Variants in GPAT4 observed in about 807,000 individuals in gnomAD.
GPAT4 encodes the protein 1-AGP acyltransferase 6.
In GPAT4, 17 loss-of-function variants were observed where a neutral mutation model predicts 58.0. The observed-to-expected ratio is 0.29, with a 90% CI of 0.20 to 0.44. The LOEUF (loss-of-function observed/expected upper bound fraction) is 0.44. Among genes scored for constraint, GPAT4 ranks in the 20% least tolerant of loss-of-function variants. The pLI is 1.00. For missense variants in GPAT4, 377 were observed against 574.5 expected (o/e 0.66, Z 3.51); for synonymous variants, 204 against 210.1 (o/e 0.97, Z 0.25).
In GPAT4 at chr8:41,598,843, AACTCCATCTGG is replaced by A; in HGVS notation, c.-292_-282del. 2.8e-6 allele frequency: 1 copy of A among 350,932 alleles called. No individual in the cohort carries two copies. The highest frequency in any genetic ancestry group is 5.1e-6 in the Non-Finnish European group (1 of 196,886). 21.7% of individuals were successfully genotyped at this position (350,932 alleles called of 1,614,324 possible). A position where few individuals can be genotyped will look rare whatever the true frequency, so the allele number is the denominator to read the frequency against. On this transcript the variant is annotated 5_prime_UTR_variant, in exon 2 of 13. Transcript: ENST00000396987. ...CGTCCTCACTGCTCACTTGCACAGA[AACTCCATCTGG>A]ACTCGGATGCTTTTACTGAAGACCC...
intron 2 of GPAT4, among the ~76,000 whole-genome samples, chr8:41,602,346 C>CTCCT (rs754284041): frequency 5.3e-5 from 8 of 152,220 alleles, no homozygotes; most frequent in Non-Finnish European, 1.0e-4. Context: ...TAGATTTGCA[C>CTCCT]TCCTTCCTTC....
intron 1 of GPAT4, among the ~76,000 whole-genome samples, chr8:41,578,738 T>C (rs183558158): frequency 6.6e-6 from 1 of 152,374 alleles, no homozygotes; most frequent in East Asian, 1.9e-4. Context: ...TCCAAATGCA[T>C]GCTCCCATTT....
At chr8:41,610,867 C>T in intron 5 of GPAT4, 57 bp downstream of exon 5, 4 of 1,514,348 alleles carry the variant, frequency 2.6e-6, no homozygotes, top group Non-Finnish European at 2.7e-6. Context: ...GAATGGTGCT[C>T]AGATATCGAA....
At chr8:41,615,451 T>TGG (rs33939804) in intron 10 of GPAT4, among the ~76,000 whole-genome samples, 1 of 71,572 alleles carries the variant, frequency 1.4e-5, no homozygotes, top group Non-Finnish European at 2.8e-5. Flanking sequence ...CCATGAGGAT[T>TGG]GGGGGGGGGG....
chr8:41,622,635 T>G lies in GPAT4; in HGVS notation c.*1634T>G, dbSNP rs1315627268. On this transcript the variant is annotated 3_prime_UTR_variant, in exon 13 of 13. Transcript: ENST00000396987. ...CAGGGAGTGGGTGGGAGTGAAGCTGTGCTCCTGGGGCTGCAGACAGATCCA... is the reference window on the plus strand; with the variant it reads ...CAGGGAGTGGGTGGGAGTGAAGCTGGGCTCCTGGGGCTGCAGACAGATCCA... The G allele has an allele frequency of 6.6e-6, 1 of 152,376 alleles. No individual in the cohort carries two copies. Among genetic ancestry groups the G allele is most frequent in the African/African-American group, 2.4e-5 (1 of 41,448 alleles). The allele number at this position is 152,376 out of a possible 1,614,324, so 9.4% of individuals were successfully genotyped here.
rs772976570 is a variant in GPAT4, at chr8:41,610,797, T to G, written c.598T>G (p.Leu200Val). The change falls in exon 5 of 13, where the codon TTG becomes GTG. Residue 200 changes from leucine (L) to valine (V), a missense_variant. Physicochemically the swap from Leu to Val is conservative, Grantham distance 32. Coordinates refer to ENST00000396987, the MANE Select transcript of GPAT4 (RefSeq NM_178819.4). ...GGTGGGCACAACTGTGGTGGGATACTTGCCAAATGGGAGGTGAGTAGAGTG... is the reference window on the plus strand; with the variant it reads ...GGTGGGCACAACTGTGGTGGGATACGTGCCAAATGGGAGGTGAGTAGAGTG... ...LVVGTTVVGYLPNGRFKEFMS... is the reference protein window; with the variant it reads ...LVVGTTVVGYVPNGRFKEFMS... The G allele has an allele frequency of 3.1e-6, 5 of 1,611,458 alleles. No individual in the cohort carries two copies. The East Asian group carries it at 1.1e-4, about 36-fold the overall frequency.
intron 12 of GPAT4, 166 bp downstream of exon 12, chr8:41,619,143 T>C: frequency 1.2e-6 from 1 of 800,466 alleles, no homozygotes. Context: ...CTGTGCTTCC[T>C]TGACCTTGGG....
At chr8:41,587,753 T>G (rs1802693996) in intron 1 of GPAT4, among the ~76,000 whole-genome samples, 1 of 152,250 alleles carries the variant, frequency 6.6e-6, no homozygotes, top group Non-Finnish European at 1.5e-5. Flanking sequence ...TGGGAACCAC[T>G]GGTCCGATTT....
chr8:41,611,798 A>G, intron 5 of GPAT4, 105 bp from the exon 6 acceptor site: 2 of 992,382 alleles, frequency 2.0e-6, no homozygotes, highest in Admixed American at 2.0e-5. Context: ...ATGTCTATAC[A>G]AGCACTTTGC....
chr8:41,609,421 T>C lies in GPAT4; in HGVS notation c.171T>C (p.Ala57=). ...MKSLLKIFAW[A]TLRMERGAKE... ...TTGCTTCCTTCCCCTCCCAGTGGGCTACCTTGAGAATGGAGCGAGGAGCCA... is the reference window on the plus strand; with the variant it reads ...TTGCTTCCTTCCCCTCCCAGTGGGCCACCTTGAGAATGGAGCGAGGAGCCA... The change falls in exon 3 of 13, where the codon GCT becomes GCC. Residue 57 remains alanine, a synonymous_variant. Transcript: ENST00000396987. The C allele has an allele frequency of 6.2e-7, 1 of 1,614,194 alleles. No homozygotes were observed. The highest frequency in any genetic ancestry group is 1.1e-5 in the South Asian group (1 of 91,088).
At chr8:41,610,880 C>A in intron 5 of GPAT4, 70 bp downstream of exon 5, 1 of 1,460,846 alleles carries the variant, frequency 6.8e-7, no homozygotes, top group Non-Finnish European at 9.3e-7. Context: ...ATATCGAAGG[C>A]AAGGACACTT....
intron 5 of GPAT4, 73 bp from the exon 6 acceptor site, chr8:41,611,830 T>G: frequency 7.1e-7 from 1 of 1,417,602 alleles, no homozygotes; most frequent in Non-Finnish European, 9.9e-7. Flanking sequence ...ACTGCTGAGC[T>G]GTTGAAGTCA....
At chr8:41,584,139 C>T (rs546279825) in intron 1 of GPAT4, among the ~76,000 whole-genome samples, 5 of 152,260 alleles carry the variant, frequency 3.3e-5, no homozygotes, top group South Asian at 4.1e-4. Flanking sequence ...TCAAGTGATC[C>T]GCCCACCTCG....
Position 41,622,707 on chromosome 8 carries a change from C to G in GPAT4, c.*1706C>G, listed in dbSNP as rs1053047836. Reference sequence around the variant, plus strand: ...GGTTGGCCCTGCAATCTCCTTTTCTCTGCACCTACCTGTGACCTCCCTGGG... The same window carrying G: ...GGTTGGCCCTGCAATCTCCTTTTCTGTGCACCTACCTGTGACCTCCCTGGG... On this transcript the variant is annotated 3_prime_UTR_variant, in exon 13 of 13. Coordinates refer to ENST00000396987, the MANE Select transcript of GPAT4 (RefSeq NM_178819.4). 2.0e-5 allele frequency: 3 copies of G among 152,310 alleles called. No homozygotes were observed. Among genetic ancestry groups the G allele is most frequent in the Admixed American group, 2.0e-4 (3 of 15,294 alleles). 9.4% of individuals were successfully genotyped at this position (152,310 alleles called of 1,614,324 possible).
chr8:41,580,154 A>G (rs1032974278), intron 1 of GPAT4, among the ~76,000 whole-genome samples: 1 of 152,238 alleles, frequency 6.6e-6, no homozygotes, highest in South Asian at 2.1e-4. Context: ...AATGCCTTAA[A>G]TTATTTCTTA....
intron 2 of GPAT4, among the ~76,000 whole-genome samples, chr8:41,599,967 A>G (rs1473658082): frequency 6.6e-6 from 1 of 151,822 alleles, no homozygotes; most frequent in African/African-American, 2.4e-5. Context: ...GGATTCATGT[A>G]TAATTTGAGA....
At chr8:41,579,743 C>A (rs1802461641) in intron 1 of GPAT4, among the ~76,000 whole-genome samples, 1 of 152,034 alleles carries the variant, frequency 6.6e-6, no homozygotes, top group African/African-American at 2.4e-5. Flanking sequence ...GAGGCTGAGG[C>A]CGGAGAATCG....
chr8:41,597,427 T>C (rs1356306001), intron 1 of GPAT4, among the ~76,000 whole-genome samples: 1 of 152,214 alleles, frequency 6.6e-6, no homozygotes, highest in East Asian at 1.9e-4. Flanking sequence ...ATATTTGAAA[T>C]AGTGGAATTT....
At chr8:41,610,239 C>T in intron 4 of GPAT4, 2 of 1,300,010 alleles carry the variant, frequency 1.5e-6, no homozygotes, top group Non-Finnish European at 2.0e-6. Flanking sequence ...TCTGCCACTC[C>T]TTCCTGGACA....
Sources: allele counts gnomAD v4.1 joint callset (sites outside exome capture counted in the v4.1 genomes callset), GRCh38; gene constraint gnomAD v4.1.1; transcripts MANE v1.5; gene names NCBI Gene and HGNC (gene_info 2026-07-23, HGNC 2026-07-21).